Variants in PIK3C2G observed in about 807,000 individuals in gnomAD.
The protein encoded by PIK3C2G is phosphatidylinositol 3-kinase C2 domain-containing subunit gamma.
PIK3C2G carries 168 observed loss-of-function variants against 181.1 expected under a neutral mutation model. The ratio of observed to expected loss-of-function variants is 0.93; its 90% CI spans 0.82 to 1.05. PIK3C2G has a LOEUF of 1.05. Ranked by LOEUF, PIK3C2G falls within the 50% of genes least tolerant of loss-of-function variation. The pLI is 0.00. For missense variants in PIK3C2G, 1,869 were observed against 1,732.8 expected (o/e 1.08, Z -1.40); for synonymous variants, 573 against 592.2 (o/e 0.97, Z 0.47).
intron 26 of PIK3C2G, among the ~76,000 whole-genome samples, chr12:18,549,235 A>G (rs1429117037): frequency 6.6e-6 from 1 of 152,042 alleles, no homozygotes; most frequent in African/African-American, 2.4e-5. Flanking sequence ...TATCAGTTTA[A>G]TTAATATATT....
chr12:18,504,016 T>C (rs1207605000), intron 23 of PIK3C2G, among the ~76,000 whole-genome samples: 1 of 152,166 alleles, frequency 6.6e-6, no homozygotes, highest in African/African-American at 2.4e-5. Context: ...TGCCAAGCTA[T>C]GATCTAGTAC....
intron 17 of PIK3C2G, among the ~76,000 whole-genome samples, chr12:18,422,013 T>A (rs1945514987): frequency 6.6e-6 from 1 of 152,074 alleles, no homozygotes; most frequent in Admixed American, 6.6e-5. Context: ...AAGTTTACCG[T>A]TCATCTCATG....
rs1295111657 is a variant in PIK3C2G, at chr12:18,362,837, A to C, written c.1699A>C (p.Asn567His). The change falls in exon 12 of 33, where the codon AAT (asparagine) becomes CAT (histidine). Residue 567 changes from asparagine (N) to histidine (H), a missense_variant. Coordinates refer to ENST00000538779, the MANE Select transcript of PIK3C2G (RefSeq NM_001288772.2). ...KKLCQVRNYR[N>H]IPDKKLFFFL... ...GCTGTGCCAAGTGAGAAACTACAGA[A>C]ATATTCCAGACAAGAAATTATTTTT... 10 of 1,521,712 alleles carry C rather than the reference A, an allele frequency of 6.6e-6. No homozygotes were observed. The highest frequency in any genetic ancestry group is 8.8e-6 in the Non-Finnish European group (10 of 1,138,802). 94.3% of individuals were successfully genotyped at this position (1,521,712 alleles called of 1,614,324 possible).
intron 18 of PIK3C2G, among the ~76,000 whole-genome samples, chr12:18,455,727 G>A (rs539138164): frequency 1.3e-5 from 2 of 151,946 alleles, no homozygotes; most frequent in African/African-American, 2.4e-5. Context: ...AGCTCTCTGG[G>A]ATCTCTTTTA....
At chr12:18,703,034 G>C in the PIK3C2G span, among the ~76,000 whole-genome samples, 3 of 152,134 alleles carry the variant, frequency 2.0e-5, no homozygotes, top group East Asian at 3.9e-4. Context: ...AAATTTGAAT[G>C]AAAGCTATGT....
chr12:18,274,220 T>A (rs1164286496), intron 1 of PIK3C2G, among the ~76,000 whole-genome samples: 5 of 152,160 alleles, frequency 3.3e-5, no homozygotes, highest in Admixed American at 6.6e-5. Context: ...GTAAACTAGT[T>A]CAACCATTGT....
intron 10 of PIK3C2G, among the ~76,000 whole-genome samples, chr12:18,345,082 C>A (rs541363986): frequency 1.8e-4 from 27 of 152,238 alleles, no homozygotes; most frequent in African/African-American, 5.5e-4. Flanking sequence ...GATGTGTGTT[C>A]ACTTGCACAA....
intron 3 of PIK3C2G, among the ~76,000 whole-genome samples, chr12:18,288,287 G>T (rs896446557): frequency 6.6e-6 from 1 of 152,134 alleles, no homozygotes; most frequent in African/African-American, 2.4e-5. Flanking sequence ...TCTACCAAAT[G>T]ATTATTTGAA....
At chr12:18,548,045 T>G (rs12820609) in intron 26 of PIK3C2G, among the ~76,000 whole-genome samples, 24,550 of 151,892 alleles carry the variant, frequency 0.16, 2,177 homozygotes, top group South Asian at 0.25. Flanking sequence ...AGGAACTTAC[T>G]CCTTCCCCTC....
chr12:18,296,104 A>T (rs1007621499), intron 5 of PIK3C2G, among the ~76,000 whole-genome samples: 3 of 152,148 alleles, frequency 2.0e-5, no homozygotes, highest in Non-Finnish European at 4.4e-5. Context: ...CAAATAGATC[A>T]TGAAACATAT....
At chr12:18,442,873 C>A (rs1946820966) in intron 18 of PIK3C2G, among the ~76,000 whole-genome samples, 1 of 151,156 alleles carries the variant, frequency 6.6e-6, no homozygotes. Flanking sequence ...CAATATCCTA[C>A]ATTTTTTTTT....
intron 13 of PIK3C2G, among the ~76,000 whole-genome samples, chr12:18,381,354 A>G (rs1019719732): frequency 6.6e-6 from 1 of 151,042 alleles, no homozygotes; most frequent in African/African-American, 2.4e-5. Context: ...TTCCCAGGGG[A>G]TTTAGTCACT....
At chr12:18,475,373 A>ACACACACACACACAC (rs1938870745) in intron 18 of PIK3C2G, among the ~76,000 whole-genome samples, 1 of 139,834 alleles carries the variant, frequency 7.2e-6, no homozygotes, top group Admixed American at 7.3e-5. Flanking sequence ...CCACCACCCC[A>ACACACACACACACAC]ACACACACAC....
intron 18 of PIK3C2G, among the ~76,000 whole-genome samples, chr12:18,450,897 T>C (rs1249905856): frequency 6.6e-6 from 1 of 152,060 alleles, no homozygotes; most frequent in East Asian, 1.9e-4. Flanking sequence ...AGACGTGTGG[T>C]GTTATTTCTG....
At chr12:18,635,052 G>A (rs535357706) in intron 31 of PIK3C2G, among the ~76,000 whole-genome samples, 1 of 152,278 alleles carries the variant, frequency 6.6e-6, no homozygotes, top group Non-Finnish European at 1.5e-5. Flanking sequence ...TGAACAAGCA[G>A]GTGAACTGCT....
chr12:18,357,141 C>T (rs568495443), intron 11 of PIK3C2G, among the ~76,000 whole-genome samples: 502 of 152,174 alleles, frequency 3.3e-3, no homozygotes, highest in South Asian at 0.02. Flanking sequence ...ATGTTAAGAA[C>T]ATTTTATTTT....
At chr12:18,326,867 GAATTT>G (rs1217194379) in intron 8 of PIK3C2G, among the ~76,000 whole-genome samples, 1 of 152,054 alleles carries the variant, frequency 6.6e-6, no homozygotes, top group East Asian at 1.9e-4. Context: ...ACTTATGAAT[GAATTT>G]TAGTTATCTA....
chr12:18,588,921 G>A (rs1946928344), intron 29 of PIK3C2G, among the ~76,000 whole-genome samples: 1 of 152,132 alleles, frequency 6.6e-6, no homozygotes, highest in South Asian at 2.1e-4. Flanking sequence ...ATAAAAAAGA[G>A]CAAGATCATG....
In PIK3C2G at chr12:18,504,384, A is replaced by G. The variant is rs1052858536; in HGVS notation, c.3154-908A>G. The stretch of plus-strand genomic sequence containing the variant: ...TTGTGGTTACGTTATTTCCAAATAC[A>G]TCGCTCTTCACAACCACCATTTGAA... On this transcript the variant is annotated intron_variant, in intron 23 of 32. Coordinates refer to ENST00000538779, the MANE Select transcript of PIK3C2G (RefSeq NM_001288772.2). Among the ~76,000 whole-genome samples, 7 of 152,344 alleles carry G rather than the reference A, an allele frequency of 4.6e-5. No individual in the cohort carries two copies. The Middle Eastern group carries it at 0.01, about 222-fold the overall frequency.
Sources: allele counts gnomAD v4.1 joint callset (sites outside exome capture counted in the v4.1 genomes callset), GRCh38; gene constraint gnomAD v4.1.1; transcripts MANE v1.5; gene names NCBI Gene and HGNC (gene_info 2026-07-23, HGNC 2026-07-21).